DSC3: variants seen among roughly 807,000 people sequenced by gnomAD.
DSC3 encodes desmocollin 3.
Under a neutral mutation model 89.5 loss-of-function variants are expected in DSC3, and 97 were observed. The ratio of observed to expected loss-of-function variants is 1.08; its 90% CI spans 0.92 to 1.28. The LOEUF (loss-of-function observed/expected upper bound fraction) is 1.28. DSC3 is among the 50% of genes most tolerant of loss of function. The probability of loss-of-function intolerance (pLI) is 0.00; values close to 1 mark genes in which losing one functional copy is unlikely to be tolerated. For missense variants in DSC3, 1,199 were observed against 1,085.3 expected (o/e 1.10, Z -1.47); for synonymous variants, 436 against 384.1 (o/e 1.14, Z -1.58).
At position 30,996,585 on chromosome 18, in the gene DSC3, T is replaced by G. The variant is rs144646078; in HGVS notation, c.2493+206A>C. Among the ~76,000 whole-genome samples, 460 of 152,252 alleles carry G rather than the reference T, an allele frequency of 3.0e-3. 3 individuals are homozygous for G. Among genetic ancestry groups the G allele is most frequent in the African/African-American group, 0.01 (423 of 41,572 alleles). Reference sequence around the variant, plus strand: ...TAAAAACATCCTATATTTATGGGATTTTATAAATTAAATGAAATATGAAAA... The same window carrying G: ...TAAAAACATCCTATATTTATGGGATGTTATAAATTAAATGAAATATGAAAA... On this transcript the variant is annotated intron_variant, in intron 15 of 15. Coordinates refer to ENST00000360428, the MANE Select transcript of DSC3 (RefSeq NM_001941.5).
chr18:31,004,248 A>T lies in DSC3; in HGVS notation c.2007T>A (p.Cys669Ter). The change falls in exon 13 of 16, where the codon TGT becomes TGA. Residue 669 changes from cysteine to a stop codon, truncating the protein, a stop_gained. Transcript: ENST00000360428. LOFTEE classifies it high-confidence loss of function. ...GACACTGAGTTGGATGAGTACATTC[A>T]CACAGATTAACTCTCAATAATTTTG... Reference protein sequence around the residue: ...AATKLLRVNLCECTHPTQCRA... With the variant: ...AATKLLRVNL The T allele has an allele frequency of 6.2e-7, 1 of 1,614,022 alleles. No individual in the cohort carries two copies. Among genetic ancestry groups the T allele is most frequent in the Non-Finnish European group, 8.5e-7 (1 of 1,179,924 alleles).
intron 9 of DSC3, among the ~76,000 whole-genome samples, chr18:31,017,227 T>C (rs1472409271): frequency 6.6e-6 from 1 of 152,196 alleles, no homozygotes; most frequent in East Asian, 1.9e-4. Context: ...CAAGTCTTAG[T>C]ATAGGAGCCT....
chr18:31,012,147 G>T (rs1433070284), intron 9 of DSC3, among the ~76,000 whole-genome samples: 1 of 151,904 alleles, frequency 6.6e-6, no homozygotes, highest in Non-Finnish European at 1.5e-5. Flanking sequence ...ACACAACATG[G>T]CAAAAGCAAA....
Position 31,008,469 on chromosome 18 carries a change from T to C in DSC3, c.1320A>G (p.Glu440=), listed in dbSNP as rs1984944845. 6 of 1,614,088 alleles carry C rather than the reference T, an allele frequency of 3.7e-6. No homozygotes were observed. The highest frequency in any genetic ancestry group is 1.7e-5 in the Admixed American group (1 of 60,012). The part of the protein sequence containing the change: ...QVNLEIGVNN[E]APFARDIPRV... Reference sequence around the variant, plus strand: ...TGGGAATATCTCTAGCAAATGGCGCTTCATTGTTTACTCCAATTTCCAGGT... The same window carrying C: ...TGGGAATATCTCTAGCAAATGGCGCCTCATTGTTTACTCCAATTTCCAGGT... The change falls in exon 10 of 16, where the codon GAA becomes GAG. Residue 440 remains glutamate (E), a synonymous_variant. Transcript: ENST00000360428.
In DSC3 at chr18:30,992,869, A is replaced by G. The variant is rs376423601; in HGVS notation, c.*1306T>C. On this transcript the variant is annotated 3_prime_UTR_variant, in exon 16 of 16. Transcript: ENST00000360428. Reference sequence around the variant, plus strand: ...GAGGTGTTGCTTTAGCAGAAAGCCGAAAGAAGGGGGCCCACAAGGCCTGGC... The same window carrying G: ...GAGGTGTTGCTTTAGCAGAAAGCCGGAAGAAGGGGGCCCACAAGGCCTGGC... The G allele has an allele frequency of 2.0e-5, 3 of 152,248 alleles. No homozygotes were observed. The highest frequency in any genetic ancestry group is 7.2e-5 in the African/African-American group (3 of 41,462). The allele number at this position is 152,248 out of a possible 1,614,324, so 9.4% of individuals were successfully genotyped here. A position where few individuals can be genotyped will look rare whatever the true frequency, so the allele number is the denominator to read the frequency against.
At chr18:31,030,736 G>C (rs1985757987) in intron 3 of DSC3, among the ~76,000 whole-genome samples, 1 of 151,150 alleles carries the variant, frequency 6.6e-6, no homozygotes, top group Admixed American at 6.6e-5. Flanking sequence ...GGGAAGAAAA[G>C]GAAGGGGAAA....
At chr18:31,008,576 A>C (rs757247636) in intron 9 of DSC3, 51 bp from the exon 10 acceptor site, 1 of 1,604,804 alleles carries the variant, frequency 6.2e-7, no homozygotes, top group Middle Eastern at 1.7e-4. Context: ...TACATCTGGC[A>C]TTTCAAATGG....
chr18:31,029,759 A>G (rs756655138), intron 3 of DSC3, 131 bp from the exon 4 acceptor site: 33 of 1,130,436 alleles, frequency 2.9e-5, no homozygotes, highest in Non-Finnish European at 4.2e-5. Context: ...TGCTGGAGCT[A>G]AACCAGTTAA....
At chr18:31,004,803 T>G (rs1221561763) in intron 12 of DSC3, among the ~76,000 whole-genome samples, 1 of 152,206 alleles carries the variant, frequency 6.6e-6, no homozygotes, top group East Asian at 1.9e-4. Context: ...CAAAGCACAA[T>G]AGATTGTTTA....
intron 4 of DSC3, among the ~76,000 whole-genome samples, chr18:31,027,587 T>C (rs1985643079): frequency 6.6e-6 from 1 of 152,052 alleles, no homozygotes; most frequent in African/African-American, 2.4e-5. Context: ...ATCTTTTCTC[T>C]GATGCTGGTT....
intron 4 of DSC3, among the ~76,000 whole-genome samples, chr18:31,027,987 CA>C (rs1173227032): frequency 6.6e-6 from 1 of 152,006 alleles, no homozygotes; most frequent in Non-Finnish European, 1.5e-5. Context: ...AGAGAAATAA[CA>C]AGCATTTTAT....
intron 9 of DSC3, among the ~76,000 whole-genome samples, chr18:31,010,806 T>A (rs1190067525): frequency 6.6e-6 from 1 of 152,158 alleles, no homozygotes; most frequent in Non-Finnish European, 1.5e-5. Context: ...CAGAAGCCAC[T>A]GAGGTGGAAT....
At chr18:31,002,103 AAAG>A (rs1984683447) in intron 13 of DSC3, among the ~76,000 whole-genome samples, 3 of 152,200 alleles carry the variant, frequency 2.0e-5, no homozygotes, top group Admixed American at 2.0e-4. Context: ...AAATGTAAAA[AAAG>A]AATTGTGTAC....
rs1984672314 is a variant in DSC3, at chr18:31,001,759, T to G, written c.2114-20A>C. On this transcript the variant is annotated intron_variant, in intron 13 of 15. Transcript: ENST00000360428. ...ATACAGCTGAATTTAAAAATAAAAA[T>G]AAAATAACTTACTTTAGCATACATA... The G allele has an allele frequency of 6.4e-7, 1 of 1,556,692 alleles. No homozygotes were observed. Among genetic ancestry groups the G allele is most frequent in the Admixed American group, 1.8e-5 (1 of 54,618 alleles).
At chr18:31,012,882 T>C (rs369277914) in intron 9 of DSC3, among the ~76,000 whole-genome samples, 1 of 152,184 alleles carries the variant, frequency 6.6e-6, no homozygotes, top group East Asian at 1.9e-4. Flanking sequence ...CAATCTTGGC[T>C]ATGACTTAGG....
chr18:30,991,272 C>T lies in DSC3; in HGVS notation c.*2903G>A, dbSNP rs1984231871. The T allele has an allele frequency of 6.6e-6, 1 of 152,530 alleles. No homozygotes were observed. Among genetic ancestry groups the T allele is most frequent in the Non-Finnish European group, 1.5e-5 (1 of 68,024 alleles). 9.4% of individuals were successfully genotyped at this position (152,530 alleles called of 1,614,324 possible). A position where few individuals can be genotyped will look rare whatever the true frequency, so the allele number is the denominator to read the frequency against. ...CCTTATAAAAGTAAGAAAAAACATTCTGTATATTTACATAAAAAATTCTAA... is the reference window on the plus strand; with the variant it reads ...CCTTATAAAAGTAAGAAAAAACATTTTGTATATTTACATAAAAAATTCTAA... On this transcript the variant is annotated 3_prime_UTR_variant, in exon 16 of 16. Coordinates refer to ENST00000360428, the MANE Select transcript of DSC3 (RefSeq NM_001941.5).
chr18:31,034,815 G>T (rs1185874851), intron 1 of DSC3, among the ~76,000 whole-genome samples: 1 of 152,152 alleles, frequency 6.6e-6, no homozygotes, highest in Non-Finnish European at 1.5e-5. Flanking sequence ...CATGGGAAGT[G>T]GTTGTAAATG....
chr18:30,999,168 A>G (rs750587980), intron 14 of DSC3, among the ~76,000 whole-genome samples: 22 of 152,208 alleles, frequency 1.4e-4, no homozygotes, highest in Non-Finnish European at 2.8e-4. Flanking sequence ...CATTACTTTC[A>G]GGACAAGAAC....
intron 12 of DSC3, among the ~76,000 whole-genome samples, chr18:31,006,292 G>GTATTAT (rs138302615): frequency 0.25 from 36,785 of 149,744 alleles, 4,904 homozygotes; most frequent in East Asian, 0.58. Flanking sequence ...CACCTCGCTG[G>GTATTAT]TATTATTATT....
Sources: gnomAD v4.1 joint callset for allele counts (sites outside exome capture counted in the v4.1 genomes callset) on GRCh38, gnomAD v4.1.1 for gene constraint, MANE v1.5 for transcripts, NCBI Gene and HGNC (gene_info 2026-07-23, HGNC 2026-07-21) for gene names.